The following CNTNAP2 variants were observed in gnomAD, a reference collection of about 807,000 sequenced individuals.
CNTNAP2 encodes contactin associated protein 2, also known as contactin-associated protein-like 2.
In CNTNAP2, 98 loss-of-function variants were observed where a neutral mutation model predicts 155.2. That is an observed-to-expected ratio of 0.63 (90% CI 0.54 to 0.75). The LOEUF is 0.75. CNTNAP2 is among the 30% of genes least tolerant of loss of function. The pLI, the probability that CNTNAP2 is intolerant of heterozygous loss-of-function variation, is 0.00. For synonymous variants in CNTNAP2, 651 were observed against 631.2 expected, an observed-to-expected ratio of 1.03 and a Z score of -0.47; for missense variants, 1,727 against 1,688.1, an observed-to-expected ratio of 1.02 and a Z score of -0.40.
chr7:146,231,681 G>A (rs1799387877), intron 1 of CNTNAP2, among the ~76,000 whole-genome samples: 1 of 152,112 alleles, frequency 6.6e-6, no homozygotes, highest in Non-Finnish European at 1.5e-5. Flanking sequence ...GATCCCTTCT[G>A]AGCAAAGCTC....
chr7:147,127,618 T>G (rs1255730746), intron 6 of CNTNAP2, among the ~76,000 whole-genome samples: 1 of 152,158 alleles, frequency 6.6e-6, no homozygotes, highest in Non-Finnish European at 1.5e-5. Flanking sequence ...CAGGCTCAAG[T>G]TAACAGATTC....
At chr7:146,515,048 G>A (rs1563115197) in intron 1 of CNTNAP2, among the ~76,000 whole-genome samples, 1 of 151,962 alleles carries the variant, frequency 6.6e-6, no homozygotes, top group Non-Finnish European at 1.5e-5. Context: ...GCTGTCTATG[G>A]GTTCATGCCA....
chr7:148,400,746 C>A (rs1446908490), intron 22 of CNTNAP2, among the ~76,000 whole-genome samples: 8 of 152,144 alleles, frequency 5.3e-5, no homozygotes, highest in African/African-American at 9.7e-5. Flanking sequence ...CTTTGGGAGG[C>A]TGAGGCAAGC....
At chr7:146,532,878 T>C (rs1797789811) in intron 1 of CNTNAP2, among the ~76,000 whole-genome samples, 1 of 151,288 alleles carries the variant, frequency 6.6e-6, no homozygotes, top group Non-Finnish European at 1.5e-5. Flanking sequence ...AGGTCAGGAG[T>C]TCGAGACCAG....
At chr7:148,160,686 A>T (rs1805514358) in intron 17 of CNTNAP2, among the ~76,000 whole-genome samples, 1 of 152,106 alleles carries the variant, frequency 6.6e-6, no homozygotes, top group Non-Finnish European at 1.5e-5. Context: ...GATCGGAAGG[A>T]TCCCTGGGGC....
intron 1 of CNTNAP2, among the ~76,000 whole-genome samples, chr7:146,144,264 G>C (rs1260232443): frequency 1.3e-5 from 2 of 152,008 alleles, no homozygotes; most frequent in Non-Finnish European, 2.9e-5. Flanking sequence ...TGATCCTCTC[G>C]CCTCAGCCCC....
chr7:147,189,672 A>T (rs1251520651), intron 8 of CNTNAP2, among the ~76,000 whole-genome samples: 1 of 152,198 alleles, frequency 6.6e-6, no homozygotes, highest in African/African-American at 2.4e-5. Context: ...GAAATACATT[A>T]AAAAAGAAAC....
intron 1 of CNTNAP2, among the ~76,000 whole-genome samples, chr7:146,479,563 AAG>A (rs1267780105): frequency 3.3e-5 from 5 of 152,100 alleles, no homozygotes; most frequent in African/African-American, 1.2e-4. Flanking sequence ...AAAAAGAAAA[AAG>A]AACTCTATTC....
intron 21 of CNTNAP2, among the ~76,000 whole-genome samples, chr7:148,277,801 A>C (rs1465241205): frequency 6.8e-6 from 1 of 146,744 alleles, no homozygotes; most frequent in Non-Finnish European, 1.5e-5. Flanking sequence ...AAAGAAAAAA[A>C]GAAAAAAAGC....
chr7:146,274,927 G>A (rs802508), intron 1 of CNTNAP2, among the ~76,000 whole-genome samples: 13,498 of 151,986 alleles, frequency 0.089, 1,698 homozygotes, highest in African/African-American at 0.28. Context: ...CAGGTTATGC[G>A]GTGTTATTCA....
intron 4 of CNTNAP2, among the ~76,000 whole-genome samples, chr7:147,090,074 T>A (rs1800368664): frequency 6.6e-6 from 1 of 152,124 alleles, no homozygotes; most frequent in African/African-American, 2.4e-5. Context: ...TCAGCACAAA[T>A]ACAGAACAGT....
chr7:148,239,887 C>T (rs1796114107), intron 20 of CNTNAP2, among the ~76,000 whole-genome samples: 1 of 152,202 alleles, frequency 6.6e-6, no homozygotes, highest in Admixed American at 6.5e-5. Flanking sequence ...ATGTCCAGGA[C>T]TCTTCTGTTA....
At chr7:146,578,555 A>G (rs1798560847) in intron 1 of CNTNAP2, among the ~76,000 whole-genome samples, 1 of 152,178 alleles carries the variant, frequency 6.6e-6, no homozygotes, top group South Asian at 2.1e-4. Flanking sequence ...AAGAGGTTAC[A>G]GTACATTCAG....
At chr7:148,247,625 C>T (rs36173947) in intron 20 of CNTNAP2, among the ~76,000 whole-genome samples, 4,972 of 105,020 alleles carry the variant, frequency 0.047, 151 homozygotes, top group South Asian at 0.1. Context: ...CTCTCTCTCT[C>T]TATTTATTTA....
chr7:148,226,305 A>G (rs752219027), intron 19 of CNTNAP2, among the ~76,000 whole-genome samples: 21 of 152,092 alleles, frequency 1.4e-4, no homozygotes, highest in Non-Finnish European at 1.0e-4. Flanking sequence ...AAGGTCCTAC[A>G]TAGGATAGGA....
intron 13 of CNTNAP2, among the ~76,000 whole-genome samples, chr7:147,787,227 C>A (rs1466161415): frequency 1.3e-5 from 2 of 152,158 alleles, no homozygotes; most frequent in Admixed American, 1.3e-4. Context: ...CTGCAGATGG[C>A]TGGAGAATGC....
intron 1 of CNTNAP2, among the ~76,000 whole-genome samples, chr7:146,389,189 T>G (rs1345915721): frequency 2.0e-5 from 3 of 151,334 alleles, no homozygotes; most frequent in African/African-American, 7.3e-5. Flanking sequence ...AGGCACAACA[T>G]TATTTTTATT....
intron 8 of CNTNAP2, among the ~76,000 whole-genome samples, chr7:147,249,727 C>T (rs1804150400): frequency 6.6e-6 from 1 of 150,720 alleles, no homozygotes; most frequent in Non-Finnish European, 1.5e-5. Flanking sequence ...TTTCAGTCTT[C>T]ATACTAGTCA....
intron 8 of CNTNAP2, among the ~76,000 whole-genome samples, chr7:147,238,641 C>T (rs1450477858): frequency 1.3e-5 from 2 of 152,046 alleles, no homozygotes; most frequent in African/African-American, 4.8e-5. Context: ...GTGTCTGTGC[C>T]TAATATAGCC....
Sources: gnomAD v4.1 joint callset for allele counts (sites outside exome capture counted in the v4.1 genomes callset) on GRCh38, gnomAD v4.1.1 for gene constraint, MANE v1.5 for transcripts, NCBI Gene and HGNC (gene_info 2026-07-23, HGNC 2026-07-21) for gene names.